Variants in RALB observed in about 807,000 individuals in gnomAD.
RALB encodes RAS like proto-oncogene B.
RALB carries 16 observed loss-of-function variants against 21.3 expected under a neutral mutation model. The ratio of observed to expected loss-of-function variants is 0.75; its 90% CI spans 0.51 to 1.14. RALB has a LOEUF of 1.14. Ranked by LOEUF, RALB falls within the 50% of genes most tolerant of loss-of-function variation. RALB has a pLI of 0.00. For missense variants in RALB, 161 were observed against 256.2 expected, an observed-to-expected ratio of 0.63 and a Z score of 2.54; for synonymous variants, 93 against 96.1, an observed-to-expected ratio of 0.97 and a Z score of 0.19.
chr2:120,250,349 T>C (rs916570589), upstream of RALB, among the ~76,000 whole-genome samples: 4 of 152,156 alleles, frequency 2.6e-5, no homozygotes, highest in Non-Finnish European at 5.9e-5. Context: ...TTCCTAACAT[T>C]CTCAGTAGCC....
chr2:120,277,145 CTCA>C (rs1175677709), intron 1 of RALB, among the ~76,000 whole-genome samples: 4 of 152,234 alleles, frequency 2.6e-5, no homozygotes, highest in Admixed American at 2.6e-4. Flanking sequence ...CCTTTTAACT[CTCA>C]TGTCATGAAG....
chr2:120,265,447 T>A (rs1250505959), intron 1 of RALB, among the ~76,000 whole-genome samples: 1 of 152,290 alleles, frequency 6.6e-6, no homozygotes, highest in African/African-American at 2.4e-5. Flanking sequence ...TGCATGACTG[T>A]ATAACAACTA....
chr2:120,282,680 T>C (rs1044807579), intron 2 of RALB, among the ~76,000 whole-genome samples: 1 of 152,134 alleles, frequency 6.6e-6, no homozygotes, highest in Non-Finnish European at 1.5e-5. Flanking sequence ...GGCCTTAGTC[T>C]GTTTTTCTCA....
chr2:120,283,121 A>G (rs1445409317), intron 2 of RALB, among the ~76,000 whole-genome samples: 1 of 152,168 alleles, frequency 6.6e-6, no homozygotes, highest in African/African-American at 2.4e-5. Context: ...CAGGTGTGGC[A>G]GCTCCTGCCT....
At chr2:120,278,038 TGA>T (rs71699795) in intron 1 of RALB, among the ~76,000 whole-genome samples, 3,820 of 146,648 alleles carry the variant, frequency 0.026, 161 homozygotes, top group African/African-American at 0.089. Flanking sequence ...TGTGAGAGCG[TGA>T]GTGTGTGTGA....
In RALB at chr2:120,293,289, C is replaced by T; in HGVS notation, c.*29C>T. Reference sequence around the variant, plus strand: ...TCAAGGTGACGGATGAAGCCAGCTGCTCCTAAGGACACAGGGCTGGGTTGG... The same window carrying T: ...TCAAGGTGACGGATGAAGCCAGCTGTTCCTAAGGACACAGGGCTGGGTTGG... On this transcript the variant is annotated 3_prime_UTR_variant, in exon 5 of 5. Coordinates refer to ENST00000272519, the MANE Select transcript of RALB (RefSeq NM_002881.3). 1 of 1,597,594 alleles carries T rather than the reference C, an allele frequency of 6.3e-7. No homozygotes were observed.
intron 1 of RALB, among the ~76,000 whole-genome samples, chr2:120,270,390 TGTA>T (rs778836187): frequency 1.2e-4 from 19 of 152,212 alleles, no homozygotes; most frequent in South Asian, 4.1e-4. Context: ...TTATCACAAA[TGTA>T]GTTTAAAGAT....
chr2:120,276,121 G>C (rs1040312088), intron 1 of RALB, among the ~76,000 whole-genome samples: 1 of 150,884 alleles, frequency 6.6e-6, no homozygotes, highest in African/African-American at 2.4e-5. Context: ...TATTGCACAT[G>C]TGCTAAAAAT....
In RALB at chr2:120,240,106, C is replaced by A. The variant is rs776951672; in HGVS notation, c.-1C>A. 4 of 1,289,716 alleles carry A rather than the reference C, an allele frequency of 3.1e-6. No homozygotes were observed. In the South Asian group the frequency reaches 4.9e-5, roughly 16 times the overall value. The allele number at this position is 1,289,716 out of a possible 1,614,324, so 79.9% of individuals were successfully genotyped here. A position where few individuals can be genotyped will look rare whatever the true frequency, so the allele number is the denominator to read the frequency against. ...AGCGGGTGGCAGGAGGAGGTCTCTG[C>A]ATGAAACAGCGGCAGTCAGGTGGGT... is the stretch of plus-strand genomic sequence containing the variant. On this transcript the variant is annotated 5_prime_UTR_variant, in exon 1 of 4. Coordinates refer to the RALB transcript ENST00000447591.
chr2:120,269,396 G>C (rs1049128326), intron 1 of RALB, among the ~76,000 whole-genome samples: 1 of 152,216 alleles, frequency 6.6e-6, no homozygotes, highest in South Asian at 2.1e-4. Flanking sequence ...AGCTTCCACA[G>C]CGTGGAAGGT....
intron 1 of RALB, among the ~76,000 whole-genome samples, chr2:120,277,350 C>CATAT (rs1558953261): frequency 6.7e-6 from 1 of 148,888 alleles, no homozygotes; most frequent in African/African-American, 2.5e-5. Context: ...AGCATGTGAA[C>CATAT]ATGTGTGTGA....
chr2:120,253,685 GTGCTCATTTCCAACGAGAAACGT>G, intron 1 of RALB: 3 of 985,480 alleles, frequency 3.0e-6, no homozygotes, highest in Non-Finnish European at 3.6e-6. Context: ...TGTCCTCTCT[GTGCTCATTTCCAACGAGAAACGT>G]TGGAACTTTG....
chr2:120,240,161 A>T (rs1365125131), intron 1 of RALB: 5 of 1,289,458 alleles, frequency 3.9e-6, no homozygotes, highest in Non-Finnish European at 4.0e-6. Flanking sequence ...TGCACTTCGA[A>T]GCCCCACAGT....
chr2:120,286,925 C>G (rs972290300), intron 3 of RALB, among the ~76,000 whole-genome samples: 7 of 152,090 alleles, frequency 4.6e-5, no homozygotes, highest in African/African-American at 1.7e-4. Context: ...AAAGAAATAG[C>G]CTTTTGGGCA....
At chr2:120,268,039 C>G (rs890889492) in intron 1 of RALB, among the ~76,000 whole-genome samples, 1 of 152,196 alleles carries the variant, frequency 6.6e-6, no homozygotes, top group Non-Finnish European at 1.5e-5. Flanking sequence ...ATCTGCCCGC[C>G]TTAGCCTCCC....
intron 1 of RALB, among the ~76,000 whole-genome samples, chr2:120,263,020 C>T (rs1035886985): frequency 1.3e-5 from 2 of 152,112 alleles, no homozygotes; most frequent in African/African-American, 2.4e-5. Flanking sequence ...AAAGCCAGGC[C>T]CCTTCATTCC....
At chr2:120,243,908 TG>T (rs1248289589) in intron 1 of RALB, among the ~76,000 whole-genome samples, 1 of 152,186 alleles carries the variant, frequency 6.6e-6, no homozygotes, top group Non-Finnish European at 1.5e-5. Context: ...TGTATTAGTC[TG>T]TTCTCACACT....
chr2:120,294,248 T>C lies in RALB; in HGVS notation c.*988T>C, dbSNP rs759838981. The C allele has an allele frequency of 2.8e-5, 11 of 398,536 alleles. No individual in the cohort carries two copies. Among genetic ancestry groups the C allele is most frequent in the Non-Finnish European group, 4.9e-5 (11 of 226,066 alleles). 24.7% of individuals were successfully genotyped at this position (398,536 alleles called of 1,614,324 possible). Reference sequence around the variant, plus strand: ...ATTCTGAAATCATGAAGCCAGAGCCTGTGCCAGACCTTCTGCTACCTCTCA... The same window carrying C: ...ATTCTGAAATCATGAAGCCAGAGCCCGTGCCAGACCTTCTGCTACCTCTCA... On this transcript the variant is annotated 3_prime_UTR_variant, in exon 5 of 5. Coordinates refer to ENST00000272519, the MANE Select transcript of RALB (RefSeq NM_002881.3).
chr2:120,246,581 T>C (rs921159964), intron 1 of RALB, among the ~76,000 whole-genome samples: 6 of 152,224 alleles, frequency 3.9e-5, no homozygotes, highest in African/African-American at 1.4e-4. Context: ...TGTCTGTCTG[T>C]CCAGCCATCC....
Sources: gnomAD v4.1 joint callset for allele counts (sites outside exome capture counted in the v4.1 genomes callset) on GRCh38, gnomAD v4.1.1 for gene constraint, MANE v1.5 for transcripts, NCBI Gene and HGNC (gene_info 2026-07-23, HGNC 2026-07-21) for gene names.